Variants in AGBL4 observed in about 807,000 individuals in gnomAD.
AGBL4 encodes the protein cytosolic carboxypeptidase 6.
AGBL4 carries 58 observed loss-of-function variants against 66.4 expected under a neutral mutation model. The observed-to-expected ratio is 0.87, with a 90% CI of 0.71 to 1.09. AGBL4 has a LOEUF of 1.09. Ranked by LOEUF, AGBL4 falls within the 50% of genes least tolerant of loss-of-function variation. AGBL4 has a pLI of 0.00. For missense variants in AGBL4, 579 were observed against 631.0 expected (o/e 0.92, Z 0.88); for synonymous variants, 234 against 222.9 (o/e 1.05, Z -0.44).
intron 3 of AGBL4, among the ~76,000 whole-genome samples, chr1:49,664,204 T>C (rs1646321125): frequency 6.6e-6 from 1 of 152,022 alleles, no homozygotes; most frequent in African/African-American, 2.4e-5. Flanking sequence ...TATCTACAAA[T>C]GAATAAATAC....
chr1:49,011,460 C>G (rs61786057), intron 5 of AGBL4, among the ~76,000 whole-genome samples: 27 of 152,156 alleles, frequency 1.8e-4, no homozygotes, highest in South Asian at 4.1e-4. Flanking sequence ...AACCATTGTG[C>G]AAGTCAGTGT....
At chr1:49,386,763 T>C (rs1408372596) in intron 3 of AGBL4, among the ~76,000 whole-genome samples, 2 of 151,954 alleles carry the variant, frequency 1.3e-5, no homozygotes, top group African/African-American at 4.8e-5. Context: ...TGGAACAAAA[T>C]TTAGCTCTAT....
At chr1:48,721,917 G>A (rs1487084244) in intron 6 of AGBL4, among the ~76,000 whole-genome samples, 2 of 152,170 alleles carry the variant, frequency 1.3e-5, no homozygotes, top group Admixed American at 1.3e-4. Context: ...TGCACTATAT[G>A]CCAGGTTTTG....
intron 2 of AGBL4, among the ~76,000 whole-genome samples, chr1:49,714,589 TATATAC>T (rs1033531609): frequency 6.7e-6 from 1 of 148,720 alleles, no homozygotes; most frequent in South Asian, 2.1e-4. Flanking sequence ...TATATATATA[TATATAC>T]ACACACACAC....
chr1:49,816,505 GAT>G lies in AGBL4; in HGVS notation c.157+34889_157+34890del, dbSNP rs377568993. Among the ~76,000 whole-genome samples, 239 of 152,248 alleles carry G rather than the reference GAT, an allele frequency of 1.6e-3. 1 individual carries two copies. The highest frequency in any genetic ancestry group is 4.9e-3 in the African/African-American group (204 of 41,554). On this transcript the variant is annotated intron_variant, in intron 2 of 13. Transcript: ENST00000371839. The stretch of plus-strand genomic sequence containing the variant: ...CAGCGATTGGTAAAAATGAAAAGTA[GAT>G]ATGAGTATAGACATGGTGAAAATTA...
At chr1:49,635,987 G>A (rs1269163192) in intron 3 of AGBL4, among the ~76,000 whole-genome samples, 1 of 152,158 alleles carries the variant, frequency 6.6e-6, no homozygotes, top group East Asian at 1.9e-4. Context: ...AAACTTGTAA[G>A]GCCTCAAACA....
intron 3 of AGBL4, among the ~76,000 whole-genome samples, chr1:49,572,807 C>G (rs146797901): frequency 1.3e-5 from 2 of 152,030 alleles, no homozygotes; most frequent in African/African-American, 4.8e-5. Context: ...GTGTCTGTGA[C>G]GGTACTGCCA....
At chr1:49,759,855 G>T (rs1240099944) in intron 2 of AGBL4, among the ~76,000 whole-genome samples, 1 of 152,134 alleles carries the variant, frequency 6.6e-6, no homozygotes, top group Non-Finnish European at 1.5e-5. Context: ...AAGAAGCCAG[G>T]TATAAAATTC....
intron 6 of AGBL4, among the ~76,000 whole-genome samples, chr1:48,699,360 C>T (rs560522896): frequency 1.3e-4 from 20 of 152,340 alleles, no homozygotes; most frequent in Non-Finnish European, 1.5e-5. Flanking sequence ...ATAGTAGGCA[C>T]TCAATTAATT....
chr1:49,358,260 A>G (rs902615337), intron 3 of AGBL4, among the ~76,000 whole-genome samples: 3 of 152,166 alleles, frequency 2.0e-5, no homozygotes, highest in Non-Finnish European at 4.4e-5. Context: ...CCAGACCCCA[A>G]TTAAGATTAG....
intron 1 of AGBL4, among the ~76,000 whole-genome samples, chr1:49,885,291 C>G (rs1376444746): frequency 1.3e-5 from 2 of 151,744 alleles, no homozygotes; most frequent in African/African-American, 4.8e-5. Context: ...GAGTTGTAAC[C>G]CACAAATTCT....
intron 3 of AGBL4, among the ~76,000 whole-genome samples, chr1:49,272,420 A>G (rs1339043142): frequency 2.6e-5 from 4 of 152,200 alleles, no homozygotes; most frequent in Non-Finnish European, 5.9e-5. Context: ...ATTAAAAATT[A>G]CTTATCTAAA....
At chr1:48,695,111 C>T (rs1646694068) in intron 6 of AGBL4, among the ~76,000 whole-genome samples, 1 of 152,150 alleles carries the variant, frequency 6.6e-6, no homozygotes, top group Admixed American at 6.5e-5. Context: ...GAATATAGGA[C>T]TCTGTGACGG....
chr1:48,712,385 C>A (rs1379036482), intron 6 of AGBL4, among the ~76,000 whole-genome samples: 1 of 152,118 alleles, frequency 6.6e-6, no homozygotes, highest in African/African-American at 2.4e-5. Flanking sequence ...TGCTTTTTTC[C>A]CCACGGGTAG....
intron 3 of AGBL4, among the ~76,000 whole-genome samples, chr1:49,550,052 G>A (rs1571006272): frequency 6.6e-6 from 1 of 152,098 alleles, no homozygotes; most frequent in African/African-American, 2.4e-5. Context: ...TTTGTCTCTT[G>A]TAACTGCTGT....
rs185302587 is a variant in AGBL4, at chr1:49,908,607, T to C, written c.35-57089A>G. 1.1e-4 allele frequency among the ~76,000 whole-genome samples: 16 copies of C among 152,216 alleles called. No homozygotes were observed. The East Asian group carries it at 3.1e-3, about 29-fold the overall frequency. ...TTTTTTCTTTATAAATTACCCATGC[T>C]TAGATGTTTCTCCATAAGAACACAG... On this transcript the variant is annotated intron_variant, in intron 1 of 13. Transcript: ENST00000371839.
chr1:48,550,290 A>T (rs1390458232), intron 11 of AGBL4, among the ~76,000 whole-genome samples: 1 of 151,688 alleles, frequency 6.6e-6, no homozygotes. Context: ...GCCAAAATCT[A>T]GGTGTCACAG....
At chr1:48,775,643 G>A (rs1256606140) in intron 6 of AGBL4, among the ~76,000 whole-genome samples, 5 of 152,154 alleles carry the variant, frequency 3.3e-5, no homozygotes, top group Non-Finnish European at 7.3e-5. Context: ...GAACTAGCTG[G>A]GAAAGAGGGC....
chr1:49,180,145 G>C (rs1249334600), intron 4 of AGBL4, among the ~76,000 whole-genome samples: 1 of 152,062 alleles, frequency 6.6e-6, no homozygotes, highest in African/African-American at 2.4e-5. Context: ...TGATCCGCCC[G>C]CCTCAGCCTC....
Sources: gnomAD v4.1 joint callset for allele counts (sites outside exome capture counted in the v4.1 genomes callset) on GRCh38, gnomAD v4.1.1 for gene constraint, MANE v1.5 for transcripts, NCBI Gene and HGNC (gene_info 2026-07-23, HGNC 2026-07-21) for gene names.